MICU2: variants seen among roughly 807,000 people sequenced by gnomAD.
MICU2 encodes the protein mitochondrial calcium uptake 2.
A neutral mutation model predicts 60.4 loss-of-function variants in MICU2; 64 were observed. The observed-to-expected ratio is 1.06, with a 90% confidence interval of 0.87 to 1.31. MICU2 has a LOEUF of 1.31. Among genes scored for constraint, MICU2 ranks in the 50% most tolerant of loss-of-function variants. The probability of loss-of-function intolerance (pLI) is 0.00; values close to 1 mark genes in which losing one functional copy is unlikely to be tolerated. For synonymous variants in MICU2, 201 were observed against 175.0 expected, an observed-to-expected ratio of 1.15 and a Z score of -1.17; for missense variants, 569 against 531.0, an observed-to-expected ratio of 1.07 and a Z score of -0.70.
At chr13:21,520,249 A>C (rs1290762030) in intron 6 of MICU2, among the ~76,000 whole-genome samples, 1 of 152,214 alleles carries the variant, frequency 6.6e-6, no homozygotes, top group Non-Finnish European at 1.5e-5. Context: ...ATCATGAATA[A>C]AACAACTATG....
chr13:21,534,587 CT>C (rs1372494565), intron 4 of MICU2, among the ~76,000 whole-genome samples: 1 of 152,106 alleles, frequency 6.6e-6, no homozygotes, highest in Non-Finnish European at 1.5e-5. Flanking sequence ...AACACGTAGT[CT>C]TCATACTTTC....
intron 2 of MICU2, among the ~76,000 whole-genome samples, chr13:21,562,895 C>T (rs1039582072): frequency 2.0e-5 from 3 of 152,212 alleles, no homozygotes; most frequent in Admixed American, 6.5e-5. Context: ...TTCTGAAGAA[C>T]GTCTTTGAAC....
chr13:21,573,473 C>T (rs934832716), intron 1 of MICU2, among the ~76,000 whole-genome samples: 9 of 152,016 alleles, frequency 5.9e-5, no homozygotes, highest in Admixed American at 2.0e-4. Flanking sequence ...GGGGTTTCAC[C>T]GTCTTAGCCA....
At position 21,603,946 on chromosome 13, in the gene MICU2, G is replaced by C. The variant is rs374060258; in HGVS notation, c.203C>G (p.Ser68Cys). 1 of 1,612,476 alleles carries C rather than the reference G, an allele frequency of 6.2e-7. No homozygotes were observed. Among genetic ancestry groups the C allele is most frequent in the African/African-American group, 1.3e-5 (1 of 74,822 alleles). Residue 68 changes from serine (S) to cysteine (C), a missense_variant, in exon 1 of 12, where the codon TCC (serine) becomes TGC (cysteine). By Grantham distance (112) the Ser-to-Cys change is moderately radical. Coordinates refer to ENST00000382374, the MANE Select transcript of MICU2 (RefSeq NM_152726.3). ...AAGGAGTTAGTCCTGTACCTGTGCG[G>C]AGACTGTAAAACTGCCATCCCGCGC... ...VAARDGSFTV[S>C]AQKNVEHGII... is the part of the protein sequence containing the mutation.
At chr13:21,530,041 A>G (rs1025332140) in intron 4 of MICU2, among the ~76,000 whole-genome samples, 1 of 152,166 alleles carries the variant, frequency 6.6e-6, no homozygotes, top group African/African-American at 2.4e-5. Context: ...CCCTTTCATG[A>G]TACTTCTAAC....
chr13:21,532,878 A>G (rs1222197600), intron 4 of MICU2, among the ~76,000 whole-genome samples: 1 of 152,170 alleles, frequency 6.6e-6, no homozygotes, highest in East Asian at 1.9e-4. Flanking sequence ...ACACCAGGGA[A>G]TATGGGGGTA....
chr13:21,553,152 T>C (rs1887616430), intron 2 of MICU2, among the ~76,000 whole-genome samples: 1 of 152,218 alleles, frequency 6.6e-6, no homozygotes, highest in Non-Finnish European at 1.5e-5. Context: ...TCACAATCCC[T>C]TGTAAGTTGG....
intron 2 of MICU2, among the ~76,000 whole-genome samples, chr13:21,544,977 G>A (rs1433911121): frequency 6.6e-6 from 1 of 152,106 alleles, no homozygotes; most frequent in African/African-American, 2.4e-5. Context: ...TACACTGTTG[G>A]TGAGAATGTA....
chr13:21,558,184 C>A (rs574682427), intron 2 of MICU2, among the ~76,000 whole-genome samples: 1 of 152,164 alleles, frequency 6.6e-6, no homozygotes, highest in Non-Finnish European at 1.5e-5. Context: ...TGAAGACTAT[C>A]GCCCCCCAGT....
At chr13:21,573,512 T>C (rs943014633) in intron 1 of MICU2, among the ~76,000 whole-genome samples, 3 of 152,266 alleles carry the variant, frequency 2.0e-5, no homozygotes, top group South Asian at 2.1e-4. Context: ...GAGCTAGTGA[T>C]CCGCCCACCT....
At chr13:21,602,468 G>A (rs1335826624) in intron 1 of MICU2, among the ~76,000 whole-genome samples, 1 of 152,154 alleles carries the variant, frequency 6.6e-6, no homozygotes, top group Admixed American at 6.5e-5. Context: ...CTTGCAGTAA[G>A]CCGAGATAGC....
At chr13:21,565,015 T>TGCC (rs1338213938) in intron 2 of MICU2, among the ~76,000 whole-genome samples, 1 of 152,212 alleles carries the variant, frequency 6.6e-6, no homozygotes, top group Non-Finnish European at 1.5e-5. Flanking sequence ...TGGATCTGCT[T>TGCC]GCCTTCAGTT....
chr13:21,539,215 T>A, intron 4 of MICU2, 87 bp downstream of exon 4: 1 of 1,162,022 alleles, frequency 8.6e-7, no homozygotes, highest in East Asian at 2.5e-5. Context: ...TTAAATAACA[T>A]GGTACAAATC....
At chr13:21,533,598 C>T (rs1385104167) in intron 4 of MICU2, among the ~76,000 whole-genome samples, 3 of 152,136 alleles carry the variant, frequency 2.0e-5, no homozygotes, top group Admixed American at 1.3e-4. Context: ...GCTGGGATTA[C>T]AAGCGTGAGC....
intron 11 of MICU2, among the ~76,000 whole-genome samples, chr13:21,494,150 T>C (rs1199939): frequency 0.97 from 148,479 of 152,318 alleles, 72,464 homozygotes; most frequent in Middle Eastern, 1. Context: ...AACTGCAAAG[T>C]TTATAAAATA....
intron 1 of MICU2, among the ~76,000 whole-genome samples, chr13:21,569,906 C>T (rs1380492774): frequency 2.6e-5 from 4 of 151,260 alleles, no homozygotes; most frequent in African/African-American, 9.7e-5. Flanking sequence ...ATGACATCAA[C>T]CCCACTGTCT....
intron 4 of MICU2, among the ~76,000 whole-genome samples, chr13:21,534,785 G>A (rs1887092700): frequency 6.6e-6 from 1 of 152,168 alleles, no homozygotes. Context: ...TTTCCACTTT[G>A]AGATTATGGC....
chr13:21,561,415 T>C (rs1052374190), intron 2 of MICU2, among the ~76,000 whole-genome samples: 8 of 152,190 alleles, frequency 5.3e-5, no homozygotes, highest in African/African-American at 1.9e-4. Flanking sequence ...AGTATAATAG[T>C]TTCTAAGAAC....
At chr13:21,564,158 T>A (rs1887918562) in intron 2 of MICU2, among the ~76,000 whole-genome samples, 1 of 152,218 alleles carries the variant, frequency 6.6e-6, no homozygotes, top group South Asian at 2.1e-4. Context: ...CTGCTATATA[T>A]AAATCTGATA....
Sources: gnomAD v4.1 joint callset for allele counts (sites outside exome capture counted in the v4.1 genomes callset) on GRCh38, gnomAD v4.1.1 for gene constraint, MANE v1.5 for transcripts, NCBI Gene and HGNC (gene_info 2026-07-23, HGNC 2026-07-21) for gene names.